SLC35E2B: variants seen among roughly 807,000 people sequenced by gnomAD.
SLC35E2B encodes the protein solute carrier family 35, member E2B.
In SLC35E2B, 18 loss-of-function variants were observed where a neutral mutation model predicts 32.4. The ratio of observed to expected loss-of-function variants is 0.56; its 90% CI spans 0.38 to 0.82. The LOEUF (loss-of-function observed/expected upper bound fraction) is 0.82, where lower values mean the gene tolerates loss of function less well. Ranked by LOEUF, SLC35E2B falls within the 40% of genes least tolerant of loss-of-function variation. The probability of loss-of-function intolerance (pLI) is 0.00; values close to 1 mark genes in which losing one functional copy is unlikely to be tolerated. For missense variants in SLC35E2B, 263 were observed against 469.5 expected, an observed-to-expected ratio of 0.56 and a Z score of 4.06; for synonymous variants, 132 against 209.1, an observed-to-expected ratio of 0.63 and a Z score of 3.18.
chr1:1,662,960 C>T lies in SLC35E2B; in HGVS notation c.*2822G>A, dbSNP rs1251834758. Reference sequence around the variant, plus strand: ...AAAAATGTCTGTACAATCGTTAACACGGCCAAGCCAGGCCTTGGGTTTTGC... The same window carrying T: ...AAAAATGTCTGTACAATCGTTAACATGGCCAAGCCAGGCCTTGGGTTTTGC... On this transcript the variant is annotated 3_prime_UTR_variant, in exon 10 of 10. Coordinates refer to ENST00000617444, the MANE Select transcript of SLC35E2B (RefSeq NM_001290264.2). 15 of 920,314 alleles carry T rather than the reference C, an allele frequency of 1.6e-5. 2 individuals are homozygous for T. The highest frequency in any genetic ancestry group is 1.3e-4 in the Admixed American group (2 of 15,726). 57.0% of individuals were successfully genotyped at this position (920,314 alleles called of 1,614,324 possible).
In SLC35E2B at chr1:1,665,065, G is replaced by C; in HGVS notation, c.*717C>G. ...CCTGGGGTTGCGGGGAGCTCACGCA[G>C]CCCAGGGTGTGGAAGGGATAGGAGG... On this transcript the variant is annotated 3_prime_UTR_variant, in exon 10 of 10. Coordinates refer to ENST00000617444, the MANE Select transcript of SLC35E2B (RefSeq NM_001290264.2). 1 of 628,936 alleles carries C rather than the reference G, an allele frequency of 1.6e-6. No homozygotes were observed. The highest frequency in any genetic ancestry group is 2.0e-6 in the Non-Finnish European group (1 of 503,642). The allele number at this position is 628,936 out of a possible 1,614,324, so 39.0% of individuals were successfully genotyped here.
chr1:1,682,656 C>T (rs1216382378), intron 2 of SLC35E2B, among the ~76,000 whole-genome samples: 2 of 152,088 alleles, frequency 1.3e-5, no homozygotes, highest in Non-Finnish European at 2.9e-5. Flanking sequence ...CGGGGACGGG[C>T]CCCAGGGGAA....
rs1455515774 is a variant in SLC35E2B, at chr1:1,663,164, G to C, written c.*2618C>G. The C allele has an allele frequency of 5.5e-5, 50 of 916,342 alleles. 2 individuals carry two copies. Among genetic ancestry groups the C allele is most frequent in the Non-Finnish European group, 6.5e-5 (50 of 766,312 alleles). 56.8% of individuals were successfully genotyped at this position (916,342 alleles called of 1,614,324 possible). On this transcript the variant is annotated 3_prime_UTR_variant, in exon 10 of 10. Transcript: ENST00000617444. ...AGGATGAGGAAGAGGCCCCAGAGCAGCGTTACACAGGAAATTACCCTATTT... is the reference window on the plus strand; with the variant it reads ...AGGATGAGGAAGAGGCCCCAGAGCACCGTTACACAGGAAATTACCCTATTT...
intron 2 of SLC35E2B, among the ~76,000 whole-genome samples, chr1:1,684,848 G>A (rs1643932988): frequency 7.0e-6 from 1 of 142,696 alleles, no homozygotes; most frequent in Non-Finnish European, 1.5e-5. Flanking sequence ...GTTCCCACCT[G>A]TAATCCCAGC....
rs1399017380 is a variant in SLC35E2B at position 1,665,560 on chromosome 1, ACAGT to A, written c.*218_*221del. 7.4e-6 allele frequency: 5 copies of A among 676,708 alleles called. No individual in the cohort carries two copies. In the East Asian group the frequency reaches 1.4e-4, roughly 19 times the overall value. 41.9% of individuals were successfully genotyped at this position (676,708 alleles called of 1,614,324 possible). A position where few individuals can be genotyped will look rare whatever the true frequency, so the allele number is the denominator to read the frequency against. On this transcript the variant is annotated 3_prime_UTR_variant, in exon 10 of 10. Transcript: ENST00000617444. ...TTACACGGGGATGGGCTCGGCGGACACAGTCAGCTACTGGTCTGGTCTCTACTCC... is the reference window on the plus strand; with the variant it reads ...TTACACGGGGATGGGCTCGGCGGACACAGCTACTGGTCTGGTCTCTACTCC...
intron 5 of SLC35E2B, chr1:1,673,387 T>A (rs1643752271): frequency 4.7e-6 from 2 of 427,222 alleles, no homozygotes; most frequent in Admixed American, 2.5e-5. Flanking sequence ...AAAGTTATTA[T>A]GGGCAGGTGC....
At chr1:1,681,829 C>CA (rs1570340562) in intron 2 of SLC35E2B, among the ~76,000 whole-genome samples, 1 of 149,726 alleles carries the variant, frequency 6.7e-6, no homozygotes, top group East Asian at 2.0e-4. Flanking sequence ...ACTAAAAATA[C>CA]AAAAAATTAG....
rs1187593921 is a variant in SLC35E2B at position 1,692,723 on chromosome 1, C to A, written c.-840G>T. Reference sequence around the variant, plus strand: ...GCGCCGCTCCTCAGTGCCCCAGAGCCACGGAGCCGGGGAAACGCGCCGCGG... The same window carrying A: ...GCGCCGCTCCTCAGTGCCCCAGAGCAACGGAGCCGGGGAAACGCGCCGCGG... On this transcript the variant is annotated 5_prime_UTR_variant, in exon 1 of 10. Coordinates refer to ENST00000617444, the MANE Select transcript of SLC35E2B (RefSeq NM_001290264.2). The A allele has an allele frequency of 1.0e-6, 1 of 983,748 alleles. No individual in the cohort carries two copies. The highest frequency in any genetic ancestry group is 6.2e-5 in the Admixed American group (1 of 16,220). 60.9% of individuals were successfully genotyped at this position (983,748 alleles called of 1,614,324 possible). A position where few individuals can be genotyped will look rare whatever the true frequency, so the allele number is the denominator to read the frequency against.
rs200454841 is a variant in SLC35E2B at position 1,676,845 on chromosome 1, C to G, written c.-146G>C. Reference sequence around the variant, plus strand: ...CTCCCAGGCAAAGCGCAGAAGCAGACGCTAAAATATTAAGAAAAGGAAACA... The same window carrying G: ...CTCCCAGGCAAAGCGCAGAAGCAGAGGCTAAAATATTAAGAAAAGGAAACA... On this transcript the variant is annotated splice_region_variant and 5_prime_UTR_variant, in exon 3 of 10. Coordinates refer to ENST00000617444, the MANE Select transcript of SLC35E2B (RefSeq NM_001290264.2). The G allele has an allele frequency of 6.8e-7, 1 of 1,471,158 alleles. No homozygotes were observed. Among genetic ancestry groups the G allele is most frequent in the Non-Finnish European group, 8.9e-7 (1 of 1,117,466 alleles). 91.1% of individuals were successfully genotyped at this position (1,471,158 alleles called of 1,614,324 possible). A position where few individuals can be genotyped will look rare whatever the true frequency, so the allele number is the denominator to read the frequency against.
intron 2 of SLC35E2B, among the ~76,000 whole-genome samples, chr1:1,683,952 A>G (rs957039821): frequency 6.6e-6 from 1 of 152,188 alleles, no homozygotes; most frequent in African/African-American, 2.4e-5. Context: ...TTCAGACCAG[A>G]GACCACAAAG....
chr1:1,671,477 T>C, intron 6 of SLC35E2B, 32 bp downstream of exon 6: 1 of 1,418,966 alleles, frequency 7.0e-7, no homozygotes, highest in Non-Finnish European at 9.3e-7. Flanking sequence ...CCGGGTCTCG[T>C]CCCCCTCACG....
intron 2 of SLC35E2B, among the ~76,000 whole-genome samples, chr1:1,683,141 T>C (rs547188134): frequency 7.2e-5 from 11 of 152,266 alleles, no homozygotes; most frequent in African/African-American, 2.6e-4. Context: ...ACAGTTTCTC[T>C]GCACTCCCAC....
intron 9 of SLC35E2B, 87 bp from the exon 10 acceptor site, chr1:1,666,106 G>C: frequency 6.9e-7 from 1 of 1,442,656 alleles, no homozygotes; most frequent in Non-Finnish European, 9.3e-7. Flanking sequence ...CCTGGGTCTG[G>C]AGGCTGGGTG....
At position 1,675,496 on chromosome 1, in the gene SLC35E2B, T is replaced by C. The variant is rs529183707; in HGVS notation, c.553A>G (p.Ile185Val). 156 of 1,606,300 alleles carry C rather than the reference T, an allele frequency of 9.7e-5. 5 individuals carry two copies. In the African/African-American group the frequency reaches 1.7e-3, roughly 18 times the overall value. ...VKSSAPIFTVIMSRMILGEYT... is the reference protein window; with the variant it reads ...VKSSAPIFTVVMSRMILGEYT... Reference sequence around the variant, plus strand: ...TCCCCCAGAATCATCCGAGACATGATCACCGTGAAGATGGGGGCGGAGCTC... The same window carrying C: ...TCCCCCAGAATCATCCGAGACATGACCACCGTGAAGATGGGGGCGGAGCTC... Residue 185 changes from isoleucine to valine, a missense_variant, in exon 5 of 10, where the codon ATC becomes GTC. This residue lies in a region of SLC35E2B where 129 missense variants were observed against 164.5 expected (regional missense o/e 0.78). Transcript: ENST00000617444.
rs1340924408 is a variant in SLC35E2B at position 1,671,561 on chromosome 1, T to C, written c.655A>G (p.Ser219Gly). 6.5e-7 allele frequency: 1 copy of C among 1,549,540 alleles called. No homozygotes were observed. Among genetic ancestry groups the C allele is most frequent in the African/African-American group, 1.4e-5 (1 of 72,896 alleles). The stretch of plus-strand genomic sequence containing the variant: ...GCCGAGAACCCCAGGACATTGAAGC[T>C]GATCTCAGTGGCCGTGCACAGCGCC... Reference protein sequence around the residue: ...GLALCTATEISFNVLGFSAAL... With the variant: ...GLALCTATEIGFNVLGFSAAL... The change falls in exon 6 of 10, where the codon AGC becomes GGC. Residue 219 changes from serine to glycine, a missense_variant. Physicochemically the swap from Ser to Gly is moderately conservative, Grantham distance 56. Coordinates refer to ENST00000617444, the MANE Select transcript of SLC35E2B (RefSeq NM_001290264.2).
Position 1,684,730 on chromosome 1 carries a change from C to T in SLC35E2B, c.-148+6246G>A, listed in dbSNP as rs149265053. Among the ~76,000 whole-genome samples, 903 of 135,866 alleles carry T rather than the reference C, an allele frequency of 6.6e-3. 9 individuals are homozygous for T. Among genetic ancestry groups the T allele is most frequent in the African/African-American group, 0.024 (867 of 35,746 alleles). The allele number at this position is 135,866 out of a possible 152,430, so 89.1% of individuals were successfully genotyped here. ...GCGTGAACCTGGGAGACAGAGCTTG[C>T]AGTGAGCCGAGATCGCGCCATTGCA... On this transcript the variant is annotated intron_variant, in intron 2 of 9. Coordinates refer to ENST00000617444, the MANE Select transcript of SLC35E2B (RefSeq NM_001290264.2).
Position 1,665,770 on chromosome 1 carries a change from A to G in SLC35E2B, c.*12T>C. On this transcript the variant is annotated 3_prime_UTR_variant, in exon 10 of 10. Transcript: ENST00000617444. Reference sequence around the variant, plus strand: ...TGTCACGAGGACAGCAGCAGCTGGCAGCTTCCTGCTCTCAGGGATGCTGCC... The same window carrying G: ...TGTCACGAGGACAGCAGCAGCTGGCGGCTTCCTGCTCTCAGGGATGCTGCC... 6.5e-7 allele frequency: 1 copy of G among 1,548,466 alleles called. No homozygotes were observed. The highest frequency in any genetic ancestry group is 8.7e-7 in the Non-Finnish European group (1 of 1,145,368).
chr1:1,664,340 G>C lies in SLC35E2B; in HGVS notation c.*1442C>G. The C allele has an allele frequency of 1.1e-6, 1 of 944,282 alleles. No homozygotes were observed. The highest frequency in any genetic ancestry group is 1.8e-5 in the African/African-American group (1 of 56,724). 58.5% of individuals were successfully genotyped at this position (944,282 alleles called of 1,614,324 possible). A position where few individuals can be genotyped will look rare whatever the true frequency, so the allele number is the denominator to read the frequency against. ...GAGGGGCTATTTTTGTATTTCCCAG[G>C]TGAGAAGCCAAATGGAAAGCCAGTG... On this transcript the variant is annotated 3_prime_UTR_variant, in exon 10 of 10. Coordinates refer to ENST00000617444, the MANE Select transcript of SLC35E2B (RefSeq NM_001290264.2).
chr1:1,666,358 T>C (rs1557749370), intron 9 of SLC35E2B, among the ~76,000 whole-genome samples: 1 of 152,180 alleles, frequency 6.6e-6, no homozygotes, highest in Non-Finnish European at 1.5e-5. Context: ...GGCCACGTCC[T>C]GTGATCTAGA....
Sources: allele counts gnomAD v4.1 joint callset (sites outside exome capture counted in the v4.1 genomes callset), GRCh38; gene constraint gnomAD v4.1.1; regional missense constraint gnomAD v4.1.1; transcripts MANE v1.5; gene names NCBI Gene and HGNC (gene_info 2026-07-23, HGNC 2026-07-21).